Variants in ENTREP2 observed in about 807,000 individuals in gnomAD.
ENTREP2 encodes the protein endosomal transmembrane epsin interactor 2, also known as protein ENTREP2.
chr15:29,157,406 AT>A, the ENTREP2 span, among the ~76,000 whole-genome samples: 107 of 152,342 alleles, frequency 7.0e-4, no homozygotes, highest in African/African-American at 2.5e-3. Context: ...CATTTCTTTG[AT>A]GAAATTACCA....
chr15:29,357,169 C>T, the ENTREP2 span, among the ~76,000 whole-genome samples: 1 of 151,772 alleles, frequency 6.6e-6, no homozygotes, highest in African/African-American at 2.4e-5. Context: ...ACAGCATATA[C>T]AAAATTTAAT....
the ENTREP2 span, among the ~76,000 whole-genome samples, chr15:29,246,014 A>G: frequency 6.6e-6 from 1 of 152,118 alleles, no homozygotes; most frequent in Non-Finnish European, 1.5e-5. Context: ...TTCCTTGTTC[A>G]CTGCTACACC....
chr15:29,490,767 G>A, the ENTREP2 span, among the ~76,000 whole-genome samples: 1 of 152,224 alleles, frequency 6.6e-6, no homozygotes, highest in Non-Finnish European at 1.5e-5. Flanking sequence ...AGACATAAAA[G>A]TTCTCCAAGT....
the ENTREP2 span, among the ~76,000 whole-genome samples, chr15:29,463,514 C>CA: frequency 2.4e-5 from 3 of 127,154 alleles, no homozygotes; most frequent in East Asian, 8.2e-4. Flanking sequence ...TATACAGCAG[C>CA]AAAACTTTAA....
At chr15:29,191,031 T>C in the ENTREP2 span, among the ~76,000 whole-genome samples, 1 of 152,164 alleles carries the variant, frequency 6.6e-6, no homozygotes, top group African/African-American at 2.4e-5. Flanking sequence ...CCATTTCCAA[T>C]GGCCCATATT....
the ENTREP2 span, among the ~76,000 whole-genome samples, chr15:29,490,413 C>G: frequency 6.6e-6 from 1 of 152,180 alleles, no homozygotes; most frequent in Admixed American, 6.5e-5. Context: ...AAACAGTTTG[C>G]GGCTGCTGGC....
At chr15:29,570,874 G>A in the ENTREP2 span, among the ~76,000 whole-genome samples, 4 of 144,722 alleles carry the variant, frequency 2.8e-5, no homozygotes, top group Non-Finnish European at 6.1e-5. Context: ...CGCCGGGAGC[G>A]GGCCGGGCCG....
At chr15:29,157,980 G>A in the ENTREP2 span, among the ~76,000 whole-genome samples, 1 of 152,134 alleles carries the variant, frequency 6.6e-6, no homozygotes, top group African/African-American at 2.4e-5. Flanking sequence ...GCCTCCCAAA[G>A]TGCTGGGATT....
At chr15:29,339,164 C>A in the ENTREP2 span, among the ~76,000 whole-genome samples, 5 of 152,340 alleles carry the variant, frequency 3.3e-5, no homozygotes, top group Admixed American at 2.6e-4. Context: ...GGAGTTGGCA[C>A]GAGATAGGGC....
the ENTREP2 span, among the ~76,000 whole-genome samples, chr15:29,409,970 AT>A: frequency 6.6e-6 from 1 of 152,192 alleles, no homozygotes; most frequent in Non-Finnish European, 1.5e-5. Context: ...CCCAGGACCA[AT>A]ATGGACTGCT....
the ENTREP2 span, among the ~76,000 whole-genome samples, chr15:29,293,745 GC>G: frequency 4.9e-4 from 75 of 152,306 alleles, no homozygotes; most frequent in African/African-American, 1.6e-3. Flanking sequence ...GTGGAAGTTG[GC>G]CATGCTGAGC....
the ENTREP2 span, among the ~76,000 whole-genome samples, chr15:29,450,979 T>C: frequency 1.3e-5 from 2 of 150,658 alleles, no homozygotes; most frequent in Non-Finnish European, 3.0e-5. Context: ...GAGAGAGAGA[T>C]TCAGGAAAAA....
the ENTREP2 span, among the ~76,000 whole-genome samples, chr15:29,630,392 TTG>T: frequency 6.6e-6 from 1 of 152,158 alleles, no homozygotes; most frequent in African/African-American, 2.4e-5. Context: ...CTGCTTTCAA[TTG>T]TGTTTTTTGG....
chr15:29,163,256 G>T, the ENTREP2 span, among the ~76,000 whole-genome samples: 5 of 152,042 alleles, frequency 3.3e-5, no homozygotes. Context: ...TAAGGCTCTT[G>T]AACAGCACCC....
the ENTREP2 span, among the ~76,000 whole-genome samples, chr15:29,657,320 A>C: frequency 6.5e-3 from 978 of 151,496 alleles, 13 homozygotes; most frequent in African/African-American, 0.023. Context: ...TCAGCCTCCC[A>C]AAGCGCCCAC....
At chr15:29,423,533 A>AT in the ENTREP2 span, among the ~76,000 whole-genome samples, 23 of 151,938 alleles carry the variant, frequency 1.5e-4, no homozygotes, top group African/African-American at 5.6e-4. Context: ...CACGTCTGTA[A>AT]TCCCAGCACT....
chr15:29,553,380 A>G, the ENTREP2 span, among the ~76,000 whole-genome samples: 178 of 152,290 alleles, frequency 1.2e-3, no homozygotes, highest in Non-Finnish European at 2.1e-3. Flanking sequence ...CAATTAAAAT[A>G]CCAGGAGGAT....
At chr15:29,381,638 A>T in the ENTREP2 span, 5 of 688,784 alleles carry the variant, frequency 7.3e-6, no homozygotes, top group Non-Finnish European at 1.2e-5. Context: ...AGCATTCAGC[A>T]GTGAGATTTT....
At chr15:29,136,720 T>C in the ENTREP2 span, among the ~76,000 whole-genome samples, 1 of 151,912 alleles carries the variant, frequency 6.6e-6, no homozygotes, top group East Asian at 1.9e-4. Context: ...TACTGACCTG[T>C]CCATTAAAAT....
Sources: gnomAD v4.1 joint callset for allele counts (sites outside exome capture counted in the v4.1 genomes callset) on GRCh38, gnomAD v4.1.1 for gene constraint, MANE v1.5 for transcripts, NCBI Gene and HGNC (gene_info 2026-07-23, HGNC 2026-07-21) for gene names.